Variants in AKAP13 observed in about 807,000 individuals in gnomAD.
The protein encoded by AKAP13 is A-kinase anchor protein 13.
A neutral mutation model predicts 264.5 loss-of-function variants in AKAP13; 80 were observed. The ratio of observed to expected loss-of-function variants is 0.30; its 90% CI spans 0.25 to 0.36. The LOEUF is 0.36. Among genes scored for constraint, AKAP13 ranks in the 10% least tolerant of loss-of-function variants. The probability of loss-of-function intolerance (pLI) is 1.00; values close to 1 mark genes in which losing one functional copy is unlikely to be tolerated. For synonymous variants in AKAP13, 1,380 were observed against 1,250.2 expected, an observed-to-expected ratio of 1.10 and a Z score of -2.19; for missense variants, 3,712 against 3,435.2, an observed-to-expected ratio of 1.08 and a Z score of -2.01.
intron 8 of AKAP13, among the ~76,000 whole-genome samples, chr15:85,631,097 A>G (rs1567165130): frequency 1.3e-5 from 2 of 152,236 alleles, no homozygotes; most frequent in Admixed American, 6.5e-5. Context: ...TTTGGAAATA[A>G]AAGAAGTAAA....
At chr15:85,733,365 A>C (rs113802622) in intron 30 of AKAP13, among the ~76,000 whole-genome samples, 3,040 of 152,296 alleles carry the variant, frequency 0.02, 50 homozygotes, top group Non-Finnish European at 0.026. Context: ...CATGTAAGTA[A>C]CATGCTCTTT....
intron 17 of AKAP13, among the ~76,000 whole-genome samples, chr15:85,707,263 C>A (rs2086343117): frequency 6.6e-6 from 1 of 152,332 alleles, no homozygotes; most frequent in South Asian, 2.1e-4. Context: ...GACACAGAGG[C>A]TTGGGTTTTT....
Position 85,471,679 on chromosome 15 carries a change from T to A in AKAP13, c.-11-14031T>A, listed in dbSNP as rs372723373. 1.4e-4 allele frequency among the ~76,000 whole-genome samples: 21 copies of A among 152,186 alleles called. No homozygotes were observed. In the East Asian group the frequency reaches 3.5e-3, roughly 25 times the overall value. On this transcript the variant is annotated intron_variant, in intron 1 of 36. Transcript: ENST00000394518. ...GGTTTCTTGTCCTTTTGTAATCGCC[T>A]CCCCCCATCCCTGGGTCCAGGCAAG...
At chr15:85,691,295 A>G (rs1051733857) in intron 16 of AKAP13, among the ~76,000 whole-genome samples, 2 of 152,174 alleles carry the variant, frequency 1.3e-5, no homozygotes, top group Non-Finnish European at 2.9e-5. Context: ...TGATACTGAT[A>G]AGCCAGCCAA....
At chr15:85,670,984 T>G (rs2083895156) in intron 14 of AKAP13, 1 of 152,140 alleles carries the variant, frequency 6.6e-6, no homozygotes, top group Non-Finnish European at 1.5e-5. Context: ...AATGTTGATT[T>G]TTTTATGAGT....
intron 17 of AKAP13, among the ~76,000 whole-genome samples, chr15:85,704,320 C>T (rs1392320919): frequency 6.6e-6 from 1 of 152,188 alleles, no homozygotes; most frequent in East Asian, 1.9e-4. Flanking sequence ...TTTGGCATGG[C>T]CACTCCTCTT....
At chr15:85,585,248 G>T (rs574232463) in intron 7 of AKAP13, among the ~76,000 whole-genome samples, 1 of 152,294 alleles carries the variant, frequency 6.6e-6, no homozygotes, top group South Asian at 2.1e-4. Context: ...AGTCATACTT[G>T]TCCCAGAGGC....
At chr15:85,392,277 T>C (rs1193788365) in intron 1 of AKAP13, among the ~76,000 whole-genome samples, 64 of 125,630 alleles carry the variant, frequency 5.1e-4, no homozygotes, top group South Asian at 2.7e-4. Flanking sequence ...TTTTTTGAGA[T>C]GGAGTCTCGC....
intron 5 of AKAP13, among the ~76,000 whole-genome samples, chr15:85,547,889 A>G (rs2077813061): frequency 6.6e-6 from 1 of 152,132 alleles, no homozygotes; most frequent in South Asian, 2.1e-4. Flanking sequence ...CTTTAGTTGG[A>G]CAATCATCTC....
chr15:85,441,074 T>C (rs2073629510), intron 1 of AKAP13, among the ~76,000 whole-genome samples: 2 of 152,220 alleles, frequency 1.3e-5, no homozygotes, highest in Admixed American at 1.3e-4. Context: ...TTTTCACATA[T>C]GTAGATACCT....
Position 85,580,205 on chromosome 15 carries a change from C to G in AKAP13, c.2137C>G (p.Gln713Glu). 4 of 1,614,238 alleles carry G rather than the reference C, an allele frequency of 2.5e-6. No individual in the cohort carries two copies. Among genetic ancestry groups the G allele is most frequent in the East Asian group, 2.2e-5 (1 of 44,886 alleles). The change falls in exon 7 of 37, where the codon CAG (glutamine) becomes GAG (glutamate). Residue 713 changes from glutamine (Q) to glutamate (E), a missense_variant. Transcript: ENST00000394518. ...CGATGCCTCCCACTGTGAAGACCCACAGGCTCATACAGTCACCTCTGACCC... is the reference window on the plus strand; with the variant it reads ...CGATGCCTCCCACTGTGAAGACCCAGAGGCTCATACAGTCACCTCTGACCC... ...PPDASHCEDP[Q>E]AHTVTSDPVR...
intron 1 of AKAP13, among the ~76,000 whole-genome samples, chr15:85,387,845 G>T (rs1019641626): frequency 2.0e-5 from 3 of 152,108 alleles, no homozygotes; most frequent in South Asian, 4.1e-4. Flanking sequence ...TCAATTTCCA[G>T]TTGCTCATTG....
At chr15:85,503,468 C>T (rs1291838287) in intron 2 of AKAP13, among the ~76,000 whole-genome samples, 1 of 152,220 alleles carries the variant, frequency 6.6e-6, no homozygotes, top group Non-Finnish European at 1.5e-5. Flanking sequence ...CAGTGTCCCA[C>T]TTCCCAACTT....
intron 2 of AKAP13, among the ~76,000 whole-genome samples, chr15:85,508,256 A>AC (rs2076300724): frequency 6.7e-6 from 1 of 150,088 alleles, no homozygotes; most frequent in Middle Eastern, 3.2e-3. Context: ...CAGTCCTTCT[A>AC]CCTCAGCCTC....
At chr15:85,439,050 A>G (rs1484979540) in intron 1 of AKAP13, among the ~76,000 whole-genome samples, 1 of 150,552 alleles carries the variant, frequency 6.6e-6, no homozygotes, top group Non-Finnish European at 1.5e-5. Flanking sequence ...AATGGGAGAA[A>G]ATTTTCGCAA....
In AKAP13 at chr15:85,579,977, A is replaced by G. The variant is rs766947167; in HGVS notation, c.1909A>G (p.Thr637Ala). 9.3e-5 allele frequency: 150 copies of G among 1,614,124 alleles called. No individual in the cohort carries two copies. Among genetic ancestry groups the G allele is most frequent in the Admixed American group, 1.2e-4 (7 of 60,008 alleles). Residue 637 changes from threonine to alanine, a missense_variant, in exon 7 of 37, where the codon ACA (threonine) becomes GCA (alanine). This residue lies in a region of AKAP13 where 2,759 missense variants were observed against 2,411.7 expected (regional missense o/e 1.14). Coordinates refer to ENST00000394518, the MANE Select transcript of AKAP13 (RefSeq NM_007200.5). Reference sequence around the variant, plus strand: ...TGTAATGCCACACCAGAACTCAGAAACAAATTCATCTCATGCTCAAAGCCA... The same window carrying G: ...TGTAATGCCACACCAGAACTCAGAAGCAAATTCATCTCATGCTCAAAGCCA... The part of the protein sequence containing the change: ...EDVMPHQNSE[T>A]NSSHAQSQKG...
At position 85,574,145 on chromosome 15, in the gene AKAP13, C is replaced by T. The variant is rs140361976; in HGVS notation, c.663-986C>T. 4.0e-3 allele frequency among the ~76,000 whole-genome samples: 615 copies of T among 152,340 alleles called. 5 individuals are homozygous for T. Among genetic ancestry groups the T allele is most frequent in the African/African-American group, 0.014 (570 of 41,572 alleles). On this transcript the variant is annotated intron_variant, in intron 5 of 36. Coordinates refer to ENST00000394518, the MANE Select transcript of AKAP13 (RefSeq NM_007200.5). ...ATAGTGACACCAACGGTTAGGACTT[C>T]AGACATTTACATTTGTGCTGAATGT... is the stretch of plus-strand genomic sequence containing the variant.
chr15:85,537,211 CTGT>C (rs1009869257), intron 4 of AKAP13, among the ~76,000 whole-genome samples: 17 of 152,266 alleles, frequency 1.1e-4, no homozygotes, highest in African/African-American at 4.1e-4. Context: ...ATCACGCCTG[CTGT>C]TGAGGGACAA....
intron 14 of AKAP13, among the ~76,000 whole-genome samples, chr15:85,681,104 C>T (rs1049396802): frequency 6.6e-6 from 1 of 152,220 alleles, no homozygotes; most frequent in Non-Finnish European, 1.5e-5. Context: ...AGGCATGAGC[C>T]ACCGCGCCTG....
Sources: allele counts gnomAD v4.1 joint callset (sites outside exome capture counted in the v4.1 genomes callset), GRCh38; gene constraint gnomAD v4.1.1; regional missense constraint gnomAD v4.1.1; transcripts MANE v1.5; gene names NCBI Gene and HGNC (gene_info 2026-07-23, HGNC 2026-07-21).